Variants in WWOX observed in about 807,000 individuals in gnomAD.
WWOX encodes WW domain containing oxidoreductase.
A neutral mutation model predicts 46.2 loss-of-function variants in WWOX; 69 were observed. That is an observed-to-expected ratio of 1.49 (90% CI 1.23 to 1.82). WWOX has a LOEUF of 1.82. WWOX is among the 40% of genes most tolerant of loss of function. The pLI is 0.00. For synonymous variants in WWOX, 359 were observed against 202.6 expected (o/e 1.77, Z -6.56); for missense variants, 919 against 542.6 (o/e 1.69, Z -6.89).
intron 8 of WWOX, among the ~76,000 whole-genome samples, chr16:78,710,488 A>ATATATATATATATATATATATT (rs2048418795): frequency 1.5e-5 from 2 of 133,656 alleles, no homozygotes; most frequent in Non-Finnish European, 3.2e-5. Context: ...ATATATATAT[A>ATATATATATATATATATATATT]TATATATATA....
At chr16:78,174,981 C>G (rs886390412) in intron 5 of WWOX, among the ~76,000 whole-genome samples, 1 of 133,620 alleles carries the variant, frequency 7.5e-6, no homozygotes, top group East Asian at 2.2e-4. Flanking sequence ...GAGCAAGACT[C>G]TGTCTCAAAA....
chr16:78,954,233 G>C (rs1396816328), intron 8 of WWOX, among the ~76,000 whole-genome samples: 1 of 151,954 alleles, frequency 6.6e-6, no homozygotes, highest in Non-Finnish European at 1.5e-5. Flanking sequence ...TGTATGGTTG[G>C]ATGATTGGAT....
At chr16:79,168,566 C>G (rs939118285) in intron 8 of WWOX, among the ~76,000 whole-genome samples, 9 of 152,136 alleles carry the variant, frequency 5.9e-5, no homozygotes, top group Admixed American at 5.2e-4. Context: ...CTCCATATTA[C>G]CCAGGAAGGG....
intron 8 of WWOX, among the ~76,000 whole-genome samples, chr16:78,872,120 C>T (rs761891655): frequency 1.1e-4 from 16 of 152,284 alleles, no homozygotes; most frequent in East Asian, 3.9e-4. Flanking sequence ...ATTAGAGGAA[C>T]GGATTTATAA....
chr16:78,159,671 G>GTTTTTTTTTTT (rs1343670783), intron 4 of WWOX, among the ~76,000 whole-genome samples: 1 of 84,600 alleles, frequency 1.2e-5, no homozygotes, highest in Non-Finnish European at 2.3e-5. Flanking sequence ...TAAAATCTGT[G>GTTTTTTTTTTT]GTTTTTTTTT....
chr16:78,680,069 T>C (rs1157590306), intron 8 of WWOX, among the ~76,000 whole-genome samples: 1 of 152,256 alleles, frequency 6.6e-6, no homozygotes, highest in Non-Finnish European at 1.5e-5. Context: ...AAAGTAGGGA[T>C]AACATTAGCT....
chr16:79,015,870 G>C (rs1177967468), intron 8 of WWOX, among the ~76,000 whole-genome samples: 3 of 152,174 alleles, frequency 2.0e-5, no homozygotes, highest in South Asian at 2.1e-4. Context: ...TCCTGCCTCA[G>C]ACTCCCGAGT....
intron 8 of WWOX, among the ~76,000 whole-genome samples, chr16:79,136,928 A>G (rs528754236): frequency 1.3e-5 from 2 of 152,358 alleles, no homozygotes; most frequent in East Asian, 3.9e-4. Flanking sequence ...TCAATCAATT[A>G]CATGTGATTA....
At chr16:78,650,012 C>T (rs2046931177) in intron 8 of WWOX, among the ~76,000 whole-genome samples, 1 of 152,142 alleles carries the variant, frequency 6.6e-6, no homozygotes, top group Non-Finnish European at 1.5e-5. Flanking sequence ...CTTTCAATTA[C>T]AGTATTATTT....
chr16:79,032,868 G>A (rs1035232565), intron 8 of WWOX, among the ~76,000 whole-genome samples: 3 of 151,218 alleles, frequency 2.0e-5, no homozygotes, highest in Admixed American at 2.0e-4. Flanking sequence ...CATCACCCAG[G>A]TATTAAGCCT....
chr16:78,996,776 A>C (rs1172800653), intron 8 of WWOX, among the ~76,000 whole-genome samples: 1 of 152,040 alleles, frequency 6.6e-6, no homozygotes, highest in African/African-American at 2.4e-5. Context: ...CCCGCTTCCC[A>C]CCTGCCTCGT....
At position 78,125,913 on chromosome 16, in the gene WWOX, C is replaced by T. The variant is rs540335428; in HGVS notation, c.409+10759C>T. Among the ~76,000 whole-genome samples, 12 of 151,686 alleles carry T rather than the reference C, an allele frequency of 7.9e-5. No individual in the cohort carries two copies. In the South Asian group the frequency reaches 2.3e-3, roughly 29 times the overall value. On this transcript the variant is annotated intron_variant, in intron 4 of 8. Transcript: ENST00000566780. ...AAGGTTATTGTGATTAACATGTATT[C>T]CTTATGGAAAATTTAGAAAGCGAAG...
chr16:78,927,990 ATGTGTGTGTGCG>A (rs927778259), intron 8 of WWOX, among the ~76,000 whole-genome samples: 1 of 151,900 alleles, frequency 6.6e-6, no homozygotes, highest in Non-Finnish European at 1.5e-5. Flanking sequence ...GTGTGTGTGT[ATGTGTGTGTGCG>A]TGTTATATGA....
At chr16:78,972,824 TAGAAC>T (rs994098020) in intron 8 of WWOX, among the ~76,000 whole-genome samples, 8 of 152,212 alleles carry the variant, frequency 5.3e-5, no homozygotes, top group Non-Finnish European at 8.8e-5. Flanking sequence ...ATGGCAAACT[TAGAAC>T]AGACCCATTT....
chr16:78,968,043 C>T (rs913702433), intron 8 of WWOX, among the ~76,000 whole-genome samples: 11 of 152,088 alleles, frequency 7.2e-5, no homozygotes, highest in South Asian at 2.1e-4. Flanking sequence ...TGGCACAGTG[C>T]ATGGTCTGCA....
At chr16:79,118,107 G>C (rs1220996132) in intron 8 of WWOX, among the ~76,000 whole-genome samples, 1 of 152,252 alleles carries the variant, frequency 6.6e-6, no homozygotes, top group Admixed American at 6.5e-5. Flanking sequence ...TTCTCGTTAA[G>C]CTTAATCACT....
At chr16:78,785,431 G>A (rs755397208) in intron 8 of WWOX, among the ~76,000 whole-genome samples, 11 of 152,196 alleles carry the variant, frequency 7.2e-5, no homozygotes, top group South Asian at 2.1e-4. Context: ...AGCCAGTGGT[G>A]TGCTGGTAAA....
intron 8 of WWOX, among the ~76,000 whole-genome samples, chr16:78,975,362 A>C (rs1042404576): frequency 2.6e-5 from 4 of 152,052 alleles, no homozygotes; most frequent in African/African-American, 9.7e-5. Flanking sequence ...TTAACATCCT[A>C]CATGAACAGG....
At chr16:78,382,722 T>C (rs564831823) in intron 5 of WWOX, among the ~76,000 whole-genome samples, 1 of 152,258 alleles carries the variant, frequency 6.6e-6, no homozygotes, top group African/African-American at 2.4e-5. Flanking sequence ...TGCTTGGTGG[T>C]GATGGAACAG....
Sources: gnomAD v4.1 joint callset for allele counts (sites outside exome capture counted in the v4.1 genomes callset) on GRCh38, gnomAD v4.1.1 for gene constraint, MANE v1.5 for transcripts, NCBI Gene and HGNC (gene_info 2026-07-23, HGNC 2026-07-21) for gene names.